Variants in CPNE4 observed in about 807,000 individuals in gnomAD.
CPNE4 encodes copine-4.
In CPNE4, 25 loss-of-function variants were observed where a neutral mutation model predicts 67.9. That is an observed-to-expected ratio of 0.37 (90% CI 0.27 to 0.51). The LOEUF (loss-of-function observed/expected upper bound fraction) is 0.51, where lower values mean the gene tolerates loss of function less well. Among genes scored for constraint, CPNE4 ranks in the 20% least tolerant of loss-of-function variants. The pLI is 0.93. For missense variants in CPNE4, 464 were observed against 690.8 expected (o/e 0.67, Z 3.68); for synonymous variants, 242 against 244.9 (o/e 0.99, Z 0.11).
At chr3:131,606,726 C>T (rs1163339681) in intron 7 of CPNE4, among the ~76,000 whole-genome samples, 3 of 152,128 alleles carry the variant, frequency 2.0e-5, no homozygotes, top group Non-Finnish European at 4.4e-5. Context: ...GGTCTGGATC[C>T]TGGGTTCTCC....
chr3:131,553,542 T>C lies in CPNE4; in HGVS notation c.1117-1051A>G, dbSNP rs150997917. 3.3e-3 allele frequency among the ~76,000 whole-genome samples: 498 copies of C among 152,176 alleles called. 1 individual carries two copies. The highest frequency in any genetic ancestry group is 5.4e-3 in the Non-Finnish European group (370 of 67,984). On this transcript the variant is annotated intron_variant, in intron 12 of 15. Transcript: ENST00000429747. ...CAGCTCCCTTATCCCTTGGGGTCCA[T>C]GTGTGCTGTATATTGTCTCCTAGGG...
intron 3 of CPNE4, among the ~76,000 whole-genome samples, chr3:131,709,037 A>G (rs115192219): frequency 0.14 from 20,168 of 140,200 alleles, 1,730 homozygotes; most frequent in African/African-American, 0.21. Flanking sequence ...AAATGTTATA[A>G]TTCTAAAAAA....
At chr3:131,581,998 A>C (rs2107692543) in intron 8 of CPNE4, among the ~76,000 whole-genome samples, 1 of 152,310 alleles carries the variant, frequency 6.6e-6, no homozygotes, top group Admixed American at 6.5e-5. Flanking sequence ...AGACTGATTA[A>C]TCCTTGTAAT....
intron 2 of CPNE4, among the ~76,000 whole-genome samples, chr3:131,868,165 T>C (rs527526438): frequency 4.6e-5 from 7 of 152,184 alleles, no homozygotes; most frequent in Non-Finnish European, 7.3e-5. Context: ...TGTCCCCTGA[T>C]GTCATTTCTT....
chr3:131,961,640 C>G (rs1020388158), intron 1 of CPNE4, among the ~76,000 whole-genome samples: 1 of 152,172 alleles, frequency 6.6e-6, no homozygotes, highest in South Asian at 2.1e-4. Flanking sequence ...AAGTACTCTC[C>G]TATCCCTGCT....
intron 2 of CPNE4, among the ~76,000 whole-genome samples, chr3:131,733,344 G>A (rs1444544472): frequency 6.6e-6 from 1 of 152,172 alleles, no homozygotes; most frequent in Non-Finnish European, 1.5e-5. Context: ...CCAGCACAGT[G>A]TTTACCAATC....
intron 2 of CPNE4, among the ~76,000 whole-genome samples, chr3:131,743,313 T>G (rs2082400090): frequency 6.6e-6 from 1 of 152,198 alleles, no homozygotes; most frequent in Admixed American, 6.5e-5. Context: ...TAGGACCAGA[T>G]GGGTTCACAG....
intron 1 of CPNE4, among the ~76,000 whole-genome samples, chr3:131,931,206 A>AAACTC (rs531616893): frequency 2.4e-4 from 37 of 152,294 alleles, no homozygotes; most frequent in African/African-American, 8.4e-4. Flanking sequence ...ATTGCTCTTG[A>AAACTC]AACTCAACTA....
At chr3:131,593,500 T>C (rs1938661687) in intron 7 of CPNE4, among the ~76,000 whole-genome samples, 1 of 152,216 alleles carries the variant, frequency 6.6e-6, no homozygotes, top group Admixed American at 6.5e-5. Flanking sequence ...AATTCTTATA[T>C]ATTGATTTTG....
chr3:131,610,867 AC>A (rs1276311813), intron 7 of CPNE4, among the ~76,000 whole-genome samples: 1 of 152,188 alleles, frequency 6.6e-6, no homozygotes, highest in Non-Finnish European at 1.5e-5. Context: ...ATCCAAGTGT[AC>A]GGGGAGTGGA....
intron 2 of CPNE4, among the ~76,000 whole-genome samples, chr3:131,896,474 T>C (rs1240912429): frequency 6.6e-6 from 1 of 152,028 alleles, no homozygotes; most frequent in Non-Finnish European, 1.5e-5. Context: ...GTGCAAACAA[T>C]GTACATCCCC....
chr3:131,708,414 A>C (rs2081467197), intron 3 of CPNE4, among the ~76,000 whole-genome samples: 1 of 152,184 alleles, frequency 6.6e-6, no homozygotes, highest in Non-Finnish European at 1.5e-5. Context: ...TGCTGAATAC[A>C]TGAGTCTGGG....
At chr3:131,564,163 G>T in intron 11 of CPNE4, 53 bp downstream of exon 11, 1 of 1,607,670 alleles carries the variant, frequency 6.2e-7, no homozygotes, top group Non-Finnish European at 8.5e-7. Flanking sequence ...GCCAAAGACC[G>T]TCTGAACCCA....
At chr3:131,944,060 A>G (rs545424476) in intron 1 of CPNE4, among the ~76,000 whole-genome samples, 3 of 152,148 alleles carry the variant, frequency 2.0e-5, no homozygotes, top group Non-Finnish European at 1.5e-5. Context: ...CTTTGAAGAC[A>G]AGAACTATTT....
At chr3:131,866,569 G>C (rs573116686) in intron 2 of CPNE4, among the ~76,000 whole-genome samples, 1 of 152,342 alleles carries the variant, frequency 6.6e-6, no homozygotes, top group East Asian at 1.9e-4. Flanking sequence ...CTAGATTCAA[G>C]GGAGGCTGAA....
chr3:131,873,341 C>A (rs1478548220), intron 2 of CPNE4, among the ~76,000 whole-genome samples: 1 of 152,060 alleles, frequency 6.6e-6, no homozygotes, highest in Admixed American at 6.5e-5. Context: ...TCTGACTAGA[C>A]CCTGATTGAT....
chr3:131,831,040 A>G (rs888973002), intron 2 of CPNE4, among the ~76,000 whole-genome samples: 8 of 152,072 alleles, frequency 5.3e-5, no homozygotes, highest in African/African-American at 1.9e-4. Context: ...ACTCCAGGTA[A>G]AAGTTATTTT....
intron 2 of CPNE4, among the ~76,000 whole-genome samples, chr3:131,810,385 T>C (rs1174909990): frequency 2.0e-5 from 3 of 151,890 alleles, no homozygotes; most frequent in African/African-American, 7.3e-5. Flanking sequence ...AATTCCCAAA[T>C]AACCTGATTG....
intron 2 of CPNE4, among the ~76,000 whole-genome samples, chr3:131,782,054 G>C (rs900568179): frequency 6.6e-6 from 1 of 152,036 alleles, no homozygotes; most frequent in Admixed American, 6.6e-5. Flanking sequence ...AAGTGCTTTG[G>C]AATGGTTACA....
Sources: gnomAD v4.1 joint callset for allele counts (sites outside exome capture counted in the v4.1 genomes callset) on GRCh38, gnomAD v4.1.1 for gene constraint, MANE v1.5 for transcripts, NCBI Gene and HGNC (gene_info 2026-07-23, HGNC 2026-07-21) for gene names.